The following ARFGEF1 variants were observed in gnomAD, a reference collection of about 807,000 sequenced individuals.
ARFGEF1 encodes ARF guanine nucleotide exchange factor 1.
In ARFGEF1, 42 loss-of-function variants were observed where a neutral mutation model predicts 231.0. That is an observed-to-expected ratio of 0.18 (90% confidence interval 0.14 to 0.24). ARFGEF1 has a LOEUF of 0.24. Ranked by LOEUF, ARFGEF1 falls within the 10% of genes least tolerant of loss-of-function variation. ARFGEF1 has a pLI of 1.00. For missense variants in ARFGEF1, 1,345 were observed against 2,192.0 expected (o/e 0.61, Z 7.72); for synonymous variants, 710 against 732.3 (o/e 0.97, Z 0.49).
At chr8:67,257,655 A>C in intron 17 of ARFGEF1, 77 bp downstream of exon 17, 1 of 1,174,346 alleles carries the variant, frequency 8.5e-7, no homozygotes. Flanking sequence ...TAAAATTTCA[A>C]CTATTACTTA....
intron 9 of ARFGEF1, among the ~76,000 whole-genome samples, chr8:67,274,474 G>A (rs1368675926): frequency 6.6e-6 from 1 of 151,932 alleles, no homozygotes. Flanking sequence ...CTAATATTTG[G>A]TTTAAACCCA....
In ARFGEF1 at chr8:67,238,385, T is replaced by A; in HGVS notation, c.3247A>T (p.Thr1083Ser). ...AATTCATCAGGAGCCTGATCTTTTGTTCCAGTAAGAGATCCTTCTCTGCCT... is the reference window on the plus strand; with the variant it reads ...AATTCATCAGGAGCCTGATCTTTTGATCCAGTAAGAGATCCTTCTCTGCCT... ...VRGREGSLTG[T>S]KDQAPDEFVG... The change falls in exon 22 of 39, where the codon ACA (threonine) becomes TCA (serine). Residue 1083 changes from threonine to serine, a missense_variant. Coordinates refer to ENST00000262215, the MANE Select transcript of ARFGEF1 (RefSeq NM_006421.5). The A allele has an allele frequency of 6.2e-7, 1 of 1,613,100 alleles. No homozygotes were observed. The highest frequency in any genetic ancestry group is 8.5e-7 in the Non-Finnish European group (1 of 1,179,734).
chr8:67,194,063 TCGTCTC>T (rs1208403248), downstream of ARFGEF1, among the ~76,000 whole-genome samples: 1 of 118,156 alleles, frequency 8.5e-6, no homozygotes, highest in African/African-American at 5.3e-5. Context: ...ATAAAGCTAG[TCGTCTC>T]CTCATTATGA....
intron 1 of ARFGEF1, among the ~76,000 whole-genome samples, chr8:67,305,336 A>G (rs1806688479): frequency 6.6e-6 from 1 of 152,174 alleles, no homozygotes; most frequent in Non-Finnish European, 1.5e-5. Context: ...CAGAATAAAT[A>G]ATGGCCAGTT....
intron 5 of ARFGEF1, among the ~76,000 whole-genome samples, chr8:67,183,362 C>T (rs2129572177): frequency 1.3e-5 from 2 of 152,278 alleles, no homozygotes; most frequent in Middle Eastern, 3.4e-3. Flanking sequence ...CTCAGGGTCA[C>T]ATGGAACATT....
At chr8:67,324,915 CTT>C (rs71249434) in intron 1 of ARFGEF1, among the ~76,000 whole-genome samples, 11 of 143,562 alleles carry the variant, frequency 7.7e-5, no homozygotes, top group South Asian at 2.2e-4. Context: ...AAAAAATCCA[CTT>C]TTTTTTTTTT....
At chr8:67,261,934 C>T (rs1804639323) in intron 14 of ARFGEF1, among the ~76,000 whole-genome samples, 1 of 150,674 alleles carries the variant, frequency 6.6e-6, no homozygotes, top group African/African-American at 2.5e-5. Flanking sequence ...GGATTACAGG[C>T]ATAAGCTACC....
chr8:67,191,105 A>G (rs1836113637), intron 5 of ARFGEF1, among the ~76,000 whole-genome samples: 1 of 152,228 alleles, frequency 6.6e-6, no homozygotes, highest in Admixed American at 6.5e-5. Flanking sequence ...ATTCTGTGAT[A>G]TAGGCATCAC....
intron 19 of ARFGEF1, among the ~76,000 whole-genome samples, chr8:67,249,670 T>C (rs1310806082): frequency 7.2e-6 from 1 of 139,062 alleles, no homozygotes; most frequent in Non-Finnish European, 1.5e-5. Context: ...TCGCCCAGGC[T>C]AGAGTGCAGT....
chr8:67,297,332 C>CT (rs1285996428), intron 4 of ARFGEF1, among the ~76,000 whole-genome samples: 1 of 152,040 alleles, frequency 6.6e-6, no homozygotes, highest in East Asian at 1.9e-4. Context: ...TTTCTGAGAT[C>CT]TTTTTTTAAC....
chr8:67,340,350 TACCCACTCACAATCTATAGA>T lies in ARFGEF1; in HGVS notation c.124+2794_124+2813del, dbSNP rs530934972. 2.8e-3 allele frequency among the ~76,000 whole-genome samples: 430 copies of T among 152,270 alleles called. 2 individuals carry two copies. Among genetic ancestry groups the T allele is most frequent in the Non-Finnish European group, 4.1e-3 (280 of 68,010 alleles). On this transcript the variant is annotated intron_variant, in intron 1 of 38. Coordinates refer to ENST00000262215, the MANE Select transcript of ARFGEF1 (RefSeq NM_006421.5). The stretch of plus-strand genomic sequence containing the variant: ...CTCTGTATCTTCACCATCCAACACC[TACCCACTCACAATCTATAGA>T]ACCGAGAGGACTAAATCAGGCCTTT...
rs189771446 is a variant in ARFGEF1, at chr8:67,191,700, G to A, written c.560+8696C>T. Among the ~76,000 whole-genome samples, 39 of 152,224 alleles carry A rather than the reference G, an allele frequency of 2.6e-4. No individual in the cohort carries two copies. The East Asian group carries it at 7.1e-3, about 28-fold the overall frequency. On this transcript the variant is annotated intron_variant, in intron 5 of 5. Coordinates refer to the ARFGEF1 transcript ENST00000518789. ...ATATTTGGGTTGTTTTCACTTTTTAGCTAGTATGGATACTATTAATGTTCA... is the reference window on the plus strand; with the variant it reads ...ATATTTGGGTTGTTTTCACTTTTTAACTAGTATGGATACTATTAATGTTCA...
At chr8:67,175,755 A>T (rs1444734229) in intron 5 of ARFGEF1, among the ~76,000 whole-genome samples, 1 of 152,230 alleles carries the variant, frequency 6.6e-6, no homozygotes, top group Non-Finnish European at 1.5e-5. Context: ...AGGCAGACAT[A>T]TCAGTGCCCT....
chr8:67,175,141 T>TA, downstream of ARFGEF1: 3 of 634,668 alleles, frequency 4.7e-6, no homozygotes, highest in Non-Finnish European at 5.7e-6. Context: ...GTTTTGTGGC[T>TA]ATTTTACTGT....
chr8:67,181,338 ATTTTTT>A (rs58029238), intron 5 of ARFGEF1, among the ~76,000 whole-genome samples: 1 of 112,658 alleles, frequency 8.9e-6, no homozygotes. Context: ...GTACCTGGCC[ATTTTTT>A]TTTTTTTTTT....
chr8:67,316,467 T>C (rs564760971), intron 1 of ARFGEF1, among the ~76,000 whole-genome samples: 1 of 152,046 alleles, frequency 6.6e-6, no homozygotes, highest in South Asian at 2.1e-4. Context: ...TTGTATAATT[T>C]TTTTTTTTTT....
intron 38 of ARFGEF1, 80 bp from the exon 39 acceptor site, chr8:67,199,178 G>T: frequency 6.6e-7 from 1 of 1,517,416 alleles, no homozygotes. Context: ...AACTACTCTG[G>T]GGCTCCATCA....
chr8:67,186,295 C>A (rs373371400), intron 5 of ARFGEF1, among the ~76,000 whole-genome samples: 1 of 152,056 alleles, frequency 6.6e-6, no homozygotes, highest in East Asian at 1.9e-4. Context: ...TGCAACTCCA[C>A]CCTTTGCTTG....
At chr8:67,301,463 G>A (rs1380189483) in intron 2 of ARFGEF1, 83 bp from the exon 3 acceptor site, 3 of 1,410,042 alleles carry the variant, frequency 2.1e-6, no homozygotes, top group Non-Finnish European at 1.9e-6. Context: ...CAGAATTTCA[G>A]TTCTAAAAGG....
Sources: allele counts gnomAD v4.1 joint callset (sites outside exome capture counted in the v4.1 genomes callset), GRCh38; gene constraint gnomAD v4.1.1; transcripts MANE v1.5; gene names NCBI Gene and HGNC (gene_info 2026-07-23, HGNC 2026-07-21).